WDR82: variants seen among roughly 807,000 people sequenced by gnomAD.
The protein encoded by WDR82 is WD repeat-containing protein 82.
In WDR82, 8 loss-of-function variants were observed where a neutral mutation model predicts 36.1. The observed-to-expected ratio is 0.22, with a 90% CI of 0.13 to 0.40. The LOEUF (loss-of-function observed/expected upper bound fraction) is 0.40, where lower values mean the gene tolerates loss of function less well. WDR82 is among the 10% of genes least tolerant of loss of function. WDR82 has a pLI of 1.00. For missense variants in WDR82, 185 were observed against 400.5 expected (o/e 0.46, Z 4.59); for synonymous variants, 129 against 137.8 (o/e 0.94, Z 0.45).
chr3:52,277,331 G>A (rs1700214224), intron 1 of WDR82, among the ~76,000 whole-genome samples: 1 of 152,046 alleles, frequency 6.6e-6, no homozygotes, highest in Non-Finnish European at 1.5e-5. Flanking sequence ...AAAAGATGCA[G>A]GTATGGTGGG....
chr3:52,271,373 T>A (rs761749886), intron 1 of WDR82, among the ~76,000 whole-genome samples: 3 of 152,184 alleles, frequency 2.0e-5, no homozygotes, highest in Non-Finnish European at 4.4e-5. Context: ...GTGTGCAGAT[T>A]ATACCGTCAG....
intron 1 of WDR82, among the ~76,000 whole-genome samples, chr3:52,276,036 G>C (rs1400273297): frequency 1.3e-5 from 2 of 152,168 alleles, no homozygotes; most frequent in South Asian, 4.1e-4. Flanking sequence ...TGAATCATAT[G>C]GGAGTTCTTT....
intron 3 of WDR82, among the ~76,000 whole-genome samples, chr3:52,261,767 A>C (rs1578005934): frequency 1.3e-5 from 2 of 152,326 alleles, no homozygotes; most frequent in African/African-American, 4.8e-5. Flanking sequence ...ATAATAAGAG[A>C]GATAACAAGT....
intron 7 of WDR82, 85 bp downstream of exon 7, chr3:52,259,112 A>G: frequency 1.5e-6 from 2 of 1,321,598 alleles, no homozygotes; most frequent in Admixed American, 2.0e-5. Context: ...TATCAAATAG[A>G]TAATAATGTC....
Position 52,259,858 on chromosome 3 carries a change from G to T in WDR82, c.558C>A (p.Thr186=). Reference sequence around the variant, plus strand: ...AAGTTCGATCATACTGCATCTTAAAGGTAGCAAATGGCCCCTGCAAAAGAT... The same window carrying T: ...AAGTTCGATCATACTGCATCTTAAATGTAGCAAATGGCCCCTGCAAAAGAT... ...LRSFDKGPFA[T]FKMQYDRTCE... The change falls in exon 6 of 9, where the codon ACC becomes ACA. Residue 186 remains threonine, a synonymous_variant. Transcript: ENST00000296490. 6.2e-7 allele frequency: 1 copy of T among 1,613,228 alleles called. No individual in the cohort carries two copies. The highest frequency in any genetic ancestry group is 1.3e-5 in the African/African-American group (1 of 74,984).
intron 1 of WDR82, among the ~76,000 whole-genome samples, chr3:52,277,197 G>A (rs1559457458): frequency 6.6e-6 from 1 of 151,970 alleles, no homozygotes; most frequent in Non-Finnish European, 1.5e-5. Flanking sequence ...GTGGCTAAGG[G>A]TAAAACGAAT....
chr3:52,272,927 C>T (rs1048714469), intron 1 of WDR82, among the ~76,000 whole-genome samples: 2 of 152,234 alleles, frequency 1.3e-5, no homozygotes, highest in Non-Finnish European at 2.9e-5. Context: ...TTTCCACATT[C>T]TTACCTTTAC....
chr3:52,273,451 A>C (rs1700172455), intron 1 of WDR82, among the ~76,000 whole-genome samples: 1 of 144,718 alleles, frequency 6.9e-6, no homozygotes, highest in Non-Finnish European at 1.6e-5. Flanking sequence ...AAAAGACAGA[A>C]CATGAAGAGC....
At chr3:52,272,852 G>T (rs1487315359) in intron 1 of WDR82, among the ~76,000 whole-genome samples, 1 of 152,196 alleles carries the variant, frequency 6.6e-6, no homozygotes, top group Admixed American at 6.5e-5. Flanking sequence ...TTGTTAAAGT[G>T]AGGCCAAGGG....
intron 1 of WDR82, among the ~76,000 whole-genome samples, chr3:52,273,860 G>A (rs1366056991): frequency 6.6e-6 from 1 of 152,132 alleles, no homozygotes; most frequent in Non-Finnish European, 1.5e-5. Flanking sequence ...TGACCCAGGC[G>A]ATCCACCCGC....
chr3:52,264,489 A>G (rs1431610264), intron 3 of WDR82, among the ~76,000 whole-genome samples: 2 of 152,176 alleles, frequency 1.3e-5, no homozygotes, highest in Admixed American at 6.5e-5. Context: ...ATAAAGCCCC[A>G]TAGACGATTC....
intron 3 of WDR82, among the ~76,000 whole-genome samples, chr3:52,266,368 T>C (rs1269203496): frequency 6.6e-6 from 1 of 152,078 alleles, no homozygotes; most frequent in Admixed American, 6.5e-5. Context: ...TCTAGTTTTA[T>C]ATGTATATAT....
chr3:52,256,236 C>T lies in WDR82; in HGVS notation c.*1254G>A, dbSNP rs183101940. On this transcript the variant is annotated 3_prime_UTR_variant, in exon 9 of 9. Coordinates refer to ENST00000296490, the MANE Select transcript of WDR82 (RefSeq NM_025222.4). The stretch of plus-strand genomic sequence containing the variant: ...GAAATGAAAATATTAATAAGGAAGA[C>T]TCACTAATACTTGTGGCAAACACTA... 1 of 153,926 alleles carries T rather than the reference C, an allele frequency of 6.5e-6. No individual in the cohort carries two copies. The highest frequency in any genetic ancestry group is 1.9e-4 in the East Asian group (1 of 5,190). 9.5% of individuals were successfully genotyped at this position (153,926 alleles called of 1,614,324 possible). A position where few individuals can be genotyped will look rare whatever the true frequency, so the allele number is the denominator to read the frequency against.
At chr3:52,258,510 G>C (rs1700031665) in intron 8 of WDR82, 26 bp downstream of exon 8, 1 of 1,612,344 alleles carries the variant, frequency 6.2e-7, no homozygotes, top group Admixed American at 1.7e-5. Flanking sequence ...TCCCTGAGTA[G>C]CAGATACCTC....
intron 1 of WDR82, among the ~76,000 whole-genome samples, chr3:52,275,831 C>CCAAGAT (rs950749417): frequency 2.0e-5 from 3 of 152,142 alleles, no homozygotes; most frequent in Admixed American, 2.0e-4. Context: ...TTGCAGTGAG[C>CCAAGAT]CAAGATCACG....
intron 6 of WDR82, among the ~76,000 whole-genome samples, 197 bp downstream of exon 6, chr3:52,259,520 A>G (rs1700040942): frequency 6.6e-6 from 1 of 152,264 alleles, no homozygotes; most frequent in Admixed American, 6.5e-5. Context: ...TCTAAATACC[A>G]AACTTGGGTC....
intron 3 of WDR82, among the ~76,000 whole-genome samples, chr3:52,262,689 T>C (rs1700071837): frequency 6.6e-6 from 1 of 152,234 alleles, no homozygotes; most frequent in Admixed American, 6.5e-5. Context: ...GGTTCCCTTT[T>C]GTGGTTATAC....
intron 3 of WDR82, 38 bp downstream of exon 3, chr3:52,266,914 T>C: frequency 1.3e-6 from 2 of 1,560,778 alleles, no homozygotes; most frequent in East Asian, 4.5e-5. Context: ...ACCTCAGGGA[T>C]AAAAGAACTA....
chr3:52,267,448 T>TG (rs2107337317), intron 2 of WDR82: 1 of 173,216 alleles, frequency 5.8e-6, no homozygotes, highest in African/African-American at 2.4e-5. Context: ...TGAGCAGCCA[T>TG]GGCAGTTAAA....
Sources: gnomAD v4.1 joint callset for allele counts (sites outside exome capture counted in the v4.1 genomes callset) on GRCh38, gnomAD v4.1.1 for gene constraint, MANE v1.5 for transcripts, NCBI Gene and HGNC (gene_info 2026-07-23, HGNC 2026-07-21) for gene names.